Variants in PHYHIPL observed in about 807,000 individuals in gnomAD.
PHYHIPL encodes phytanoyl-CoA hydroxylase-interacting protein-like.
A neutral mutation model predicts 33.4 loss-of-function variants in PHYHIPL; 9 were observed. The observed-to-expected ratio is 0.27, with a 90% CI of 0.16 to 0.47. PHYHIPL has a LOEUF of 0.47. PHYHIPL is among the 20% of genes least tolerant of loss of function. The probability of loss-of-function intolerance (pLI) is 0.99; values close to 1 mark genes in which losing one functional copy is unlikely to be tolerated. For missense variants in PHYHIPL, 365 were observed against 460.7 expected, an observed-to-expected ratio of 0.79 and a Z score of 1.90; for synonymous variants, 153 against 154.1, an observed-to-expected ratio of 0.99 and a Z score of 0.05.
chr10:59,207,424 C>T (rs907584605), intron 1 of PHYHIPL, among the ~76,000 whole-genome samples: 31 of 152,180 alleles, frequency 2.0e-4, no homozygotes, highest in African/African-American at 6.8e-4. Flanking sequence ...CCACAGTCTT[C>T]GCAACCCGCA....
intron 1 of PHYHIPL, among the ~76,000 whole-genome samples, chr10:59,179,905 C>A (rs1422130112): frequency 1.4e-5 from 2 of 145,494 alleles, no homozygotes; most frequent in African/African-American, 5.1e-5. Context: ...GGATTGTCTT[C>A]CCTAGGCATG....
At chr10:59,204,863 GT>G (rs1230018175) in intron 1 of PHYHIPL, among the ~76,000 whole-genome samples, 3,887 of 129,836 alleles carry the variant, frequency 0.03, 90 homozygotes, top group African/African-American at 0.078. Context: ...GTCTCATAAA[GT>G]TTTTTTTTTT....
At chr10:59,228,715 T>C (rs1363807830) in intron 1 of PHYHIPL, among the ~76,000 whole-genome samples, 2 of 152,194 alleles carry the variant, frequency 1.3e-5, no homozygotes, top group Non-Finnish European at 2.9e-5. Flanking sequence ...AAGTTGCTCT[T>C]GACTGCTACT....
intron 3 of PHYHIPL, 60 bp downstream of exon 3, chr10:59,236,717 G>C (rs1179204499): frequency 2.9e-6 from 4 of 1,379,078 alleles, no homozygotes; most frequent in Non-Finnish European, 3.9e-6. Flanking sequence ...GCTAATTATA[G>C]AAAAATATTT....
At chr10:59,228,906 A>G (rs1046391205) in intron 1 of PHYHIPL, among the ~76,000 whole-genome samples, 10 of 152,146 alleles carry the variant, frequency 6.6e-5, no homozygotes, top group Middle Eastern at 3.2e-3. Context: ...GCACTCAAGG[A>G]AAGATATTAT....
In PHYHIPL at chr10:59,191,778, C is replaced by T. The variant is rs191452071; in HGVS notation, c.106+14819C>T. 2.6e-3 allele frequency among the ~76,000 whole-genome samples: 391 copies of T among 152,034 alleles called. 1 individual carries two copies. Among genetic ancestry groups the T allele is most frequent in the Non-Finnish European group, 4.3e-3 (290 of 67,878 alleles). Reference sequence around the variant, plus strand: ...TTGAGTCAAATAAGTAACAACATATCCATTTTAAATTTGTCTGTTATTTCC... The same window carrying T: ...TTGAGTCAAATAAGTAACAACATATTCATTTTAAATTTGTCTGTTATTTCC... On this transcript the variant is annotated intron_variant, in intron 1 of 4. Transcript: ENST00000373880.
chr10:59,177,499 C>A, intron 1 of PHYHIPL: 6 of 1,550,478 alleles, frequency 3.9e-6, no homozygotes, highest in Non-Finnish European at 5.2e-6. Context: ...AGTGAGGGCG[C>A]AGAAAAACAG....
chr10:59,186,047 A>G (rs1438780181), intron 1 of PHYHIPL, among the ~76,000 whole-genome samples: 1 of 152,194 alleles, frequency 6.6e-6, no homozygotes, highest in Admixed American at 6.5e-5. Flanking sequence ...GTCCATGCCT[A>G]TGTCCTGAAT....
Position 59,236,500 on chromosome 10 carries a change from G to T in PHYHIPL, c.321G>T (p.Leu107Phe). 6.3e-7 allele frequency: 1 copy of T among 1,589,622 alleles called. No homozygotes were observed. Among genetic ancestry groups the T allele is most frequent in the South Asian group, 1.2e-5 (1 of 86,922 alleles). ...KFKHKDVPTK[L>F]VAKAVPLPMT... The stretch of plus-strand genomic sequence containing the variant: ...ATTCCTAGGATGTTCCCACAAAATT[G>T]GTGGCAAAAGCTGTTCCCTTGCCTA... The change falls in exon 3 of 5, where the codon TTG becomes TTT. Residue 107 changes from leucine (L) to phenylalanine (F), a missense_variant. Physicochemically the swap from Leu to Phe is conservative, Grantham distance 22 (BLOSUM62 0). Around this residue, in one of 4 missense-constraint regions of PHYHIPL, gnomAD observed 63 missense variants for 119.3 expected, o/e 0.53. Transcript: ENST00000373880.
At chr10:59,175,085 T>G (rs538443467), upstream of PHYHIPL, among the ~76,000 whole-genome samples, 2 of 152,218 alleles carry the variant, frequency 1.3e-5, no homozygotes, top group Non-Finnish European at 2.9e-5. Context: ...AATACCAATT[T>G]CTAGTTCTAC....
At chr10:59,227,597 A>G (rs1008197234) in intron 1 of PHYHIPL, among the ~76,000 whole-genome samples, 2 of 152,292 alleles carry the variant, frequency 1.3e-5, no homozygotes, top group Middle Eastern at 3.4e-3. Flanking sequence ...AAAAGCTGTA[A>G]TCCCTAATGA....
At chr10:59,191,586 C>A (rs1298514469) in intron 1 of PHYHIPL, among the ~76,000 whole-genome samples, 2 of 151,930 alleles carry the variant, frequency 1.3e-5, no homozygotes. Context: ...GTTTTTATCA[C>A]TACAATGTAA....
At chr10:59,244,447 C>A (rs1840555133) in intron 4 of PHYHIPL, among the ~76,000 whole-genome samples, 4 of 150,646 alleles carry the variant, frequency 2.7e-5, no homozygotes, top group African/African-American at 9.7e-5. Context: ...GCCTGTAGTC[C>A]CAGCCACTCT....
intron 1 of PHYHIPL, among the ~76,000 whole-genome samples, chr10:59,229,439 C>G (rs935343809): frequency 6.6e-6 from 1 of 151,698 alleles, no homozygotes; most frequent in African/African-American, 2.4e-5. Context: ...TGTTTAAAAT[C>G]GACTTTTTAA....
chr10:59,227,975 G>GAGAGATATATATATATAT, intron 1 of PHYHIPL, among the ~76,000 whole-genome samples: 1 of 145,566 alleles, frequency 6.9e-6, no homozygotes, highest in African/African-American at 2.7e-5. Flanking sequence ...TGCCTATTGA[G>GAGAGATATATATATATAT]ATATATATAT....
chr10:59,214,491 C>G (rs1839552446), intron 1 of PHYHIPL, among the ~76,000 whole-genome samples: 1 of 151,836 alleles, frequency 6.6e-6, no homozygotes, highest in Non-Finnish European at 1.5e-5. Flanking sequence ...AAACTGTTTC[C>G]AGTAATAATT....
At chr10:59,244,059 C>T (rs901358907) in intron 4 of PHYHIPL, among the ~76,000 whole-genome samples, 28 of 152,060 alleles carry the variant, frequency 1.8e-4, no homozygotes, top group Non-Finnish European at 7.4e-5. Context: ...CAAAGCTTTA[C>T]CTCCTCCTAC....
At chr10:59,183,721 T>C in intron 1 of PHYHIPL, 1 of 974,846 alleles carries the variant, frequency 1.0e-6, no homozygotes, top group Non-Finnish European at 1.2e-6. Context: ...GTTAGTTTTG[T>C]TTGTTATGTT....
rs201370071 is a variant in PHYHIPL, at chr10:59,198,053, CT to C, written c.106+21101del. Among the ~76,000 whole-genome samples the C allele has an allele frequency of 9.5e-3, 1,445 of 151,978 alleles. 5 individuals carry two copies. Among genetic ancestry groups the C allele is most frequent in the Admixed American group, 0.021 (315 of 15,230 alleles). On this transcript the variant is annotated intron_variant, in intron 1 of 4. Transcript: ENST00000373880. ...TTTTAAGTATTTCTAAAGCAGTAAT[CT>C]TTTTTTATTATTATTATACTTTAAG... is the stretch of plus-strand genomic sequence containing the variant.
Sources: allele counts gnomAD v4.1 joint callset (sites outside exome capture counted in the v4.1 genomes callset), GRCh38; gene constraint gnomAD v4.1.1; regional missense constraint gnomAD v4.1.1; transcripts MANE v1.5; gene names NCBI Gene and HGNC (gene_info 2026-07-23, HGNC 2026-07-21).